SRGAP2C: variants seen among roughly 807,000 people sequenced by gnomAD.
SRGAP2C encodes the protein SLIT-ROBO Rho GTPase activating protein 2C, also known as SLIT-ROBO Rho GTPase-activating protein 2C.
A neutral mutation model predicts 25.1 loss-of-function variants in SRGAP2C; 15 were observed. The observed-to-expected ratio is 0.60, with a 90% confidence interval of 0.40 to 0.92. SRGAP2C has a LOEUF of 0.92. Among genes scored for constraint, SRGAP2C ranks in the 40% least tolerant of loss-of-function variants. SRGAP2C has a pLI of 0.00. For missense variants in SRGAP2C, 144 were observed against 264.4 expected (o/e 0.54, Z 3.16); for synonymous variants, 44 against 96.6 (o/e 0.46, Z 3.19).
chr1:121,279,529 C>A (rs1332679091), intron 2 of SRGAP2C, among the ~76,000 whole-genome samples: 3 of 151,688 alleles, frequency 2.0e-5, no homozygotes, highest in African/African-American at 7.3e-5. Context: ...GTTAAATGAT[C>A]AGTATCCTAT....
chr1:121,374,957 A>C lies in SRGAP2C; in HGVS notation c.831+3A>C, dbSNP rs187188274. 3.9e-6 allele frequency: 3 copies of C among 776,784 alleles called. No homozygotes were observed. In the African/African-American group the frequency reaches 5.1e-5, roughly 13 times the overall value. The allele number at this position is 776,784 out of a possible 1,614,324, so 48.1% of individuals were successfully genotyped here. On this transcript the variant is annotated splice_donor_region_variant and intron_variant, in intron 7 of 9. Transcript: ENST00000367123. ...ATGACCTATCTGACCTTATTGATGT[A>C]AGTGCTTAAAGCCAAGGGCCTGAGG...
At chr1:121,374,635 T>C (rs1207761422) in intron 6 of SRGAP2C, among the ~76,000 whole-genome samples, 191 bp from the exon 7 acceptor site, 1 of 152,102 alleles carries the variant, frequency 6.6e-6, no homozygotes, top group African/African-American at 2.4e-5. Context: ...GGAGCCTCAT[T>C]AACCTTTCCT....
chr1:121,378,021 T>C (rs587765531), intron 7 of SRGAP2C, among the ~76,000 whole-genome samples: 1 of 152,148 alleles, frequency 6.6e-6, no homozygotes, highest in East Asian at 1.9e-4. Context: ...CATTGTACTA[T>C]GAACAGAGGA....
In SRGAP2C at chr1:121,234,844, C is replaced by T. The variant is rs587701677; in HGVS notation, c.67+47331C>T. Among the ~76,000 whole-genome samples, 42 of 150,086 alleles carry T rather than the reference C, an allele frequency of 2.8e-4. 1 individual carries two copies. Among genetic ancestry groups the T allele is most frequent in the African/African-American group, 8.6e-4 (34 of 39,700 alleles). On this transcript the variant is annotated intron_variant, in intron 2 of 9. Coordinates refer to ENST00000367123, the MANE Select transcript of SRGAP2C (RefSeq NM_001329984.2). ...TCTTGCTCTTTCGCTCTCTCTTGCC[C>T]TTCTGCCTTCTGCCATGGGATGATG...
rs12034692 is a variant in SRGAP2C at position 121,274,137 on chromosome 1, A to G, written c.68-10666A>G. ...TCCATAGTTATTGACACTTTTGTAC[A>G]TCTCTCTTCATTCTTAATCTACTTT... On this transcript the variant is annotated intron_variant, in intron 2 of 9. Coordinates refer to ENST00000367123, the MANE Select transcript of SRGAP2C (RefSeq NM_001329984.2). Among the ~76,000 whole-genome samples, 2,228 of 146,460 alleles carry G rather than the reference A, an allele frequency of 0.015. 119 individuals carry two copies. In the East Asian group the frequency reaches 0.18, roughly 12 times the overall value.
chr1:121,329,749 AT>A (rs1658394563), intron 4 of SRGAP2C, among the ~76,000 whole-genome samples: 1 of 151,478 alleles, frequency 6.6e-6, no homozygotes, highest in Admixed American at 6.6e-5. Flanking sequence ...GCTGGGACAT[AT>A]TTTACATTTT....
intron 2 of SRGAP2C, among the ~76,000 whole-genome samples, chr1:121,273,652 G>A (rs1657032252): frequency 6.6e-6 from 1 of 151,732 alleles, no homozygotes; most frequent in Non-Finnish European, 1.5e-5. Flanking sequence ...TGGTCTTGTG[G>A]GACATCTTCA....
At chr1:121,303,474 T>C (rs1466221801) in intron 3 of SRGAP2C, among the ~76,000 whole-genome samples, 48 of 152,186 alleles carry the variant, frequency 3.2e-4, no homozygotes, top group African/African-American at 1.1e-3. Context: ...CAACAAGATA[T>C]TCCAGGCTTA....
rs1435597859 is a variant in SRGAP2C at position 121,280,379 on chromosome 1, G to A, written c.68-4424G>A. Among the ~76,000 whole-genome samples, 10 of 151,718 alleles carry A rather than the reference G, an allele frequency of 6.6e-5. 1 individual carries two copies. Among genetic ancestry groups the A allele is most frequent in the East Asian group, 1.9e-4 (1 of 5,184 alleles). On this transcript the variant is annotated intron_variant, in intron 2 of 9. Coordinates refer to ENST00000367123, the MANE Select transcript of SRGAP2C (RefSeq NM_001329984.2). ...TTTAAATATTAGATCTTCAGGTTGG[G>A]GCTTATTACCACAGCTTTGTTATAA...
intron 3 of SRGAP2C, among the ~76,000 whole-genome samples, chr1:121,297,728 CACTT>C (rs1353119522): frequency 1.4e-5 from 2 of 139,782 alleles, no homozygotes; most frequent in African/African-American, 2.7e-5. Flanking sequence ...GGATTTCTCC[CACTT>C]ACTTGCTGTG....
rs1294808906 is a variant in SRGAP2C, at chr1:121,391,452, A to G, written c.*3597A>G. 3.9e-5 allele frequency: 6 copies of G among 152,198 alleles called. No individual in the cohort carries two copies. Among genetic ancestry groups the G allele is most frequent in the African/African-American group, 4.8e-5 (2 of 41,438 alleles). 9.4% of individuals were successfully genotyped at this position (152,198 alleles called of 1,614,324 possible). On this transcript the variant is annotated 3_prime_UTR_variant, in exon 10 of 10. Coordinates refer to ENST00000367123, the MANE Select transcript of SRGAP2C (RefSeq NM_001329984.2). ...AGAACCCAGCACAAAGCCAGTCTGC[A>G]TGGCCTACAGACATATTTTGCTGGA... is the stretch of plus-strand genomic sequence containing the variant.
chr1:121,248,470 G>A (rs1297873399), intron 2 of SRGAP2C, among the ~76,000 whole-genome samples: 7 of 125,428 alleles, frequency 5.6e-5, no homozygotes, highest in African/African-American at 1.9e-4. Flanking sequence ...TTTTTGAGAC[G>A]GAGTCTTGCT....
chr1:121,377,263 C>CTTTTT (rs57457251), intron 7 of SRGAP2C, among the ~76,000 whole-genome samples: 3 of 50,418 alleles, frequency 6.0e-5, no homozygotes, highest in South Asian at 6.8e-4. Flanking sequence ...TCTCATGTTT[C>CTTTTT]TTTTTTTTTT....
intron 2 of SRGAP2C, among the ~76,000 whole-genome samples, chr1:121,206,382 T>C (rs587596267): frequency 6.6e-6 from 1 of 152,174 alleles, no homozygotes; most frequent in South Asian, 2.1e-4. Context: ...AGAGGAGTTA[T>C]AGACAGAGGA....
intron 4 of SRGAP2C, among the ~76,000 whole-genome samples, chr1:121,337,506 C>T (rs1210577312): frequency 2.7e-5 from 4 of 150,668 alleles, no homozygotes; most frequent in Non-Finnish European, 5.9e-5. Context: ...GTGGTGTATT[C>T]CTGTAATCTC....
At chr1:121,345,846 T>G (rs1244037286) in intron 4 of SRGAP2C, among the ~76,000 whole-genome samples, 2 of 144,172 alleles carry the variant, frequency 1.4e-5, no homozygotes, top group Non-Finnish European at 3.0e-5. Context: ...AGACAGGGTT[T>G]CACTATGTTG....
intron 4 of SRGAP2C, chr1:121,360,975 C>T (rs1222407502): frequency 8.6e-6 from 1 of 116,230 alleles, no homozygotes; most frequent in African/African-American, 3.3e-5. Context: ...CTGACACAGG[C>T]TAAATGGCAG....
chr1:121,235,173 G>T (rs1268240288), intron 2 of SRGAP2C, among the ~76,000 whole-genome samples: 1 of 141,538 alleles, frequency 7.1e-6, no homozygotes, highest in African/African-American at 2.7e-5. Flanking sequence ...GACTACAGGC[G>T]CCCGCCACCA....
At chr1:121,310,275 GT>G (rs1657952088) in intron 3 of SRGAP2C, among the ~76,000 whole-genome samples, 1 of 55,358 alleles carries the variant, frequency 1.8e-5, no homozygotes, top group Admixed American at 2.4e-4. Flanking sequence ...GGGGTTGTTT[GT>G]TTTTTTCTTG....
Sources: allele counts gnomAD v4.1 joint callset (sites outside exome capture counted in the v4.1 genomes callset), GRCh38; gene constraint gnomAD v4.1.1; transcripts MANE v1.5; gene names NCBI Gene and HGNC (gene_info 2026-07-23, HGNC 2026-07-21).